Variants in DLC1 observed in about 807,000 individuals in gnomAD.
DLC1 encodes rho GTPase-activating protein 7.
A neutral mutation model predicts 140.3 loss-of-function variants in DLC1; 54 were observed. That is an observed-to-expected ratio of 0.38 (90% CI 0.31 to 0.48). The LOEUF (loss-of-function observed/expected upper bound fraction) is 0.48. Among genes scored for constraint, DLC1 ranks in the 20% least tolerant of loss-of-function variants. The pLI is 0.96. For missense variants in DLC1, 2,536 were observed against 1,907.0 expected, an observed-to-expected ratio of 1.33 and a Z score of -6.14; for synonymous variants, 986 against 728.1, an observed-to-expected ratio of 1.35 and a Z score of -5.70.
chr8:13,408,918 G>C (rs1480596748), intron 2 of DLC1, among the ~76,000 whole-genome samples: 1 of 151,972 alleles, frequency 6.6e-6, no homozygotes, highest in Non-Finnish European at 1.5e-5. Context: ...TCCATAAATT[G>C]TTTTTAGGAA....
At chr8:13,370,799 A>G (rs957010341) in intron 4 of DLC1, among the ~76,000 whole-genome samples, 1 of 152,154 alleles carries the variant, frequency 6.6e-6, no homozygotes, top group Non-Finnish European at 1.5e-5. Context: ...TCTAAATCCA[A>G]TGCAAGGGAG....
chr8:13,536,509 C>T (rs929222715), intron 1 of DLC1, among the ~76,000 whole-genome samples: 1 of 152,174 alleles, frequency 6.6e-6, no homozygotes, highest in Non-Finnish European at 1.5e-5. Flanking sequence ...ATTGGAACCT[C>T]TCATTATGCC....
In DLC1 at chr8:13,413,256, A is replaced by ATTTT. The variant is rs58038503; in HGVS notation, c.1024-11641_1024-11638dup. Among the ~76,000 whole-genome samples, 360 of 81,924 alleles carry ATTTT rather than the reference A, an allele frequency of 4.4e-3. 36 individuals are homozygous for ATTTT. Among genetic ancestry groups the ATTTT allele is most frequent in the African/African-American group, 0.016 (314 of 19,864 alleles). The allele number at this position is 81,924 out of a possible 152,430, so 53.7% of individuals were successfully genotyped here. A position where few individuals can be genotyped will look rare whatever the true frequency, so the allele number is the denominator to read the frequency against. On this transcript the variant is annotated intron_variant, in intron 2 of 17. Transcript: ENST00000276297. ...TAAAACATTATGAGATTTTTTTGCG[A>ATTTT]TTTTTTTTTTTTTTTTTTTTTAGCT...
At chr8:13,405,602 C>G (rs112952985) in intron 2 of DLC1, among the ~76,000 whole-genome samples, 2,329 of 152,242 alleles carry the variant, frequency 0.015, 34 homozygotes, top group South Asian at 0.044. Flanking sequence ...CTTTCGAGTT[C>G]TACATGTTGG....
intron 4 of DLC1, among the ~76,000 whole-genome samples, chr8:13,382,734 T>A (rs1279947095): frequency 1.3e-5 from 2 of 152,122 alleles, no homozygotes; most frequent in Non-Finnish European, 2.9e-5. Context: ...ACCTCAGAAA[T>A]ACCTGAGATG....
intron 5 of DLC1, among the ~76,000 whole-genome samples, chr8:13,131,514 T>C (rs985648795): frequency 2.6e-5 from 4 of 152,120 alleles, no homozygotes; most frequent in African/African-American, 9.7e-5. Flanking sequence ...CTCATCCATA[T>C]TGGGTGTAAA....
At chr8:13,567,061 A>G (rs1349346912) in intron 1 of DLC1, 2 of 1,551,694 alleles carry the variant, frequency 1.3e-6, no homozygotes, top group East Asian at 4.9e-5. Flanking sequence ...TGAGACTGAG[A>G]CTTTGAAGAA....
intron 1 of DLC1, among the ~76,000 whole-genome samples, chr8:13,535,038 G>A (rs1585250279): frequency 6.6e-6 from 1 of 152,120 alleles, no homozygotes; most frequent in East Asian, 1.9e-4. Flanking sequence ...TTTGTTGAGA[G>A]TTCTTTATAC....
At chr8:13,541,816 T>A (rs7845778) in intron 1 of DLC1, among the ~76,000 whole-genome samples, 14 of 152,128 alleles carry the variant, frequency 9.2e-5, no homozygotes, top group African/African-American at 3.4e-4. Flanking sequence ...CCCAAAGTGC[T>A]GGGATTACAG....
At chr8:13,385,230 T>C (rs142723644) in intron 4 of DLC1, among the ~76,000 whole-genome samples, 1 of 152,232 alleles carries the variant, frequency 6.6e-6, no homozygotes, top group Non-Finnish European at 1.5e-5. Flanking sequence ...GATACAAAGA[T>C]AGGACCTTCA....
intron 2 of DLC1, among the ~76,000 whole-genome samples, chr8:13,498,364 G>A (rs771784544): frequency 2.0e-5 from 3 of 152,190 alleles, no homozygotes; most frequent in Non-Finnish European, 1.5e-5. Context: ...TGAAAGCTTC[G>A]CAGGGGAGGA....
At chr8:13,123,199 C>A (rs1821253144) in intron 5 of DLC1, among the ~76,000 whole-genome samples, 1 of 152,130 alleles carries the variant, frequency 6.6e-6, no homozygotes, top group Admixed American at 6.5e-5. Context: ...TAGTGAGTGC[C>A]CCTTTCATTG....
chr8:13,356,081 C>G (rs976137392), intron 4 of DLC1, among the ~76,000 whole-genome samples: 2 of 108,926 alleles, frequency 1.8e-5, no homozygotes, highest in African/African-American at 7.9e-5. Flanking sequence ...CAGAGCAAGA[C>G]TCCATCTCAA....
chr8:13,319,259 G>C (rs1267285697), intron 4 of DLC1, among the ~76,000 whole-genome samples: 1 of 152,222 alleles, frequency 6.6e-6, no homozygotes, highest in Non-Finnish European at 1.5e-5. Context: ...GTCTTAAACA[G>C]AAATTTTGCA....
chr8:13,223,865 G>T (rs576648919), intron 5 of DLC1, among the ~76,000 whole-genome samples: 134 of 152,206 alleles, frequency 8.8e-4, no homozygotes, highest in African/African-American at 2.9e-3. Flanking sequence ...TCACTAAAAG[G>T]TGGAGAGTTT....
At chr8:13,103,726 C>G (rs1000905200) in intron 7 of DLC1, among the ~76,000 whole-genome samples, 10 of 151,128 alleles carry the variant, frequency 6.6e-5, no homozygotes, top group African/African-American at 2.4e-4. Flanking sequence ...GTAATGCCAG[C>G]TACTCGGGAG....
intron 1 of DLC1, among the ~76,000 whole-genome samples, chr8:13,592,116 G>A (rs1249040651): frequency 2.0e-5 from 3 of 151,984 alleles, no homozygotes; most frequent in Non-Finnish European, 4.4e-5. Flanking sequence ...CCAGCGTTTA[G>A]AATTTAAAGA....
Position 13,085,678 on chromosome 8 carries a change from A to G in DLC1, c.*133T>C, listed in dbSNP as rs1817492381. On this transcript the variant is annotated 3_prime_UTR_variant, in exon 18 of 18. Coordinates refer to ENST00000276297, the MANE Select transcript of DLC1 (RefSeq NM_182643.3). The stretch of plus-strand genomic sequence containing the variant: ...AGCTTTAAAAATGTATCAAATTGCT[A>G]TAGTCAATTCCTACACTCCAGCTTG... The G allele has an allele frequency of 1.5e-6, 2 of 1,358,686 alleles. No homozygotes were observed. The highest frequency in any genetic ancestry group is 1.5e-5 in the South Asian group (1 of 66,402). The allele number at this position is 1,358,686 out of a possible 1,614,324, so 84.2% of individuals were successfully genotyped here. A position where few individuals can be genotyped will look rare whatever the true frequency, so the allele number is the denominator to read the frequency against.
At chr8:13,210,233 A>G (rs1827873697) in intron 5 of DLC1, among the ~76,000 whole-genome samples, 4 of 152,296 alleles carry the variant, frequency 2.6e-5, no homozygotes, top group Middle Eastern at 3.4e-3. Context: ...CAAGAGTTCT[A>G]TCCTGTTCTT....
Sources: allele counts gnomAD v4.1 joint callset (sites outside exome capture counted in the v4.1 genomes callset), GRCh38; gene constraint gnomAD v4.1.1; transcripts MANE v1.5; gene names NCBI Gene and HGNC (gene_info 2026-07-23, HGNC 2026-07-21).